DYNLL1: variants seen among roughly 807,000 people sequenced by gnomAD.
The protein encoded by DYNLL1 is dynein light chain 1, cytoplasmic.
In DYNLL1, 3 loss-of-function variants were observed where a neutral mutation model predicts 10.1. The ratio of observed to expected loss-of-function variants is 0.30; its 90% CI spans 0.14 to 0.77. DYNLL1 has a LOEUF of 0.77. Among genes scored for constraint, DYNLL1 ranks in the 30% least tolerant of loss-of-function variants. DYNLL1 has a pLI of 0.66. For missense variants in DYNLL1, 47 were observed against 111.7 expected, an observed-to-expected ratio of 0.42 and a Z score of 2.61; for synonymous variants, 46 against 41.2, an observed-to-expected ratio of 1.12 and a Z score of -0.45.
At chr12:120,491,376 G>A (rs887637764), upstream of DYNLL1, 1 of 152,640 alleles carries the variant, frequency 6.6e-6, no homozygotes, top group African/African-American at 2.4e-5. Context: ...TTCTCCATGG[G>A]GTGGAAGCTT....
At chr12:120,474,442 TAAA>T (rs11355698) in intron 1 of DYNLL1, among the ~76,000 whole-genome samples, 1 of 142,770 alleles carries the variant, frequency 7.0e-6, no homozygotes, top group African/African-American at 2.6e-5. Flanking sequence ...AAAAACAACA[TAAA>T]AAAAAAAAAA....
intron 1 of DYNLL1, among the ~76,000 whole-genome samples, chr12:120,479,472 AATAATAAT>A (rs1878837344): frequency 7.6e-5 from 6 of 79,430 alleles, no homozygotes; most frequent in Non-Finnish European, 1.1e-4. Context: ...AAAAAAAAAT[AATAATAAT>A]AATAATAATA....
intron 1 of DYNLL1, among the ~76,000 whole-genome samples, chr12:120,482,854 G>A (rs952727473): frequency 6.6e-6 from 1 of 152,068 alleles, no homozygotes; most frequent in Non-Finnish European, 1.5e-5. Flanking sequence ...TGAGGCAGGA[G>A]GATTGCTTGA....
At chr12:120,484,824 C>T (rs942028289) in intron 1 of DYNLL1, among the ~76,000 whole-genome samples, 12 of 152,030 alleles carry the variant, frequency 7.9e-5, no homozygotes, top group Admixed American at 2.6e-4. Flanking sequence ...CTGCAACCTC[C>T]GCTTTGCTTC....
chr12:120,482,952 G>A lies in DYNLL1; in HGVS notation c.-7+12848G>A, dbSNP rs1376775803. ...AAATTTAGCCAGGCATCGGTGGCTC[G>A]TGCCTGTGGTCCCAGCTACTCGAGA... On this transcript the variant is annotated intron_variant, in intron 1 of 2. Transcript: ENST00000392509. 4.6e-5 allele frequency among the ~76,000 whole-genome samples: 7 copies of A among 151,896 alleles called. No individual in the cohort carries two copies. In the South Asian group the frequency reaches 8.4e-4, roughly 18 times the overall value.
upstream of DYNLL1, among the ~76,000 whole-genome samples, chr12:120,492,404 C>T (rs1323091924): frequency 1.3e-5 from 2 of 152,126 alleles, no homozygotes; most frequent in East Asian, 3.9e-4. This position sits in a 1 kb window ranked among gnomAD's most constrained non-coding sequence, Gnocchi z 4.1. Context: ...CCTGTCTCTA[C>T]TAAAATACAA....
At chr12:120,493,611 T>G (rs1879189381), upstream of DYNLL1, among the ~76,000 whole-genome samples, 1 of 151,318 alleles carries the variant, frequency 6.6e-6, no homozygotes, top group South Asian at 2.1e-4. Flanking sequence ...ATTTTTTATT[T>G]TTTATTTATT....
upstream of DYNLL1, chr12:120,495,207 T>C (rs1035674420): frequency 6.6e-6 from 1 of 152,104 alleles, no homozygotes; most frequent in Non-Finnish European, 1.5e-5. Flanking sequence ...ACGTCATCTC[T>C]CTAACGGCCG....
chr12:120,496,310 TG>T (rs1178299112), intron 1 of DYNLL1, 94 bp downstream of exon 1: 10 of 1,480,440 alleles, frequency 6.8e-6, no homozygotes. Context: ...TCCTGAGAAG[TG>T]GGGTGGGGGG....
intron 1 of DYNLL1, among the ~76,000 whole-genome samples, chr12:120,475,224 C>G (rs368828988): frequency 1.5e-4 from 23 of 151,892 alleles, no homozygotes; most frequent in African/African-American, 5.3e-4. Flanking sequence ...TTGAATATGC[C>G]CAAACAGGTG....
chr12:120,496,346 G>A, intron 1 of DYNLL1, 70 bp from the exon 2 acceptor site: 2 of 1,594,272 alleles, frequency 1.3e-6, no homozygotes, highest in Non-Finnish European at 1.7e-6. Context: ...GGCGCCGGCC[G>A]GGGTGGGGGC....
chr12:120,489,991 G>A (rs2137066216), intron 1 of DYNLL1, among the ~76,000 whole-genome samples: 1 of 152,326 alleles, frequency 6.6e-6, no homozygotes, highest in African/African-American at 2.4e-5. Context: ...CAGGCAATCT[G>A]CCCGCCTTGG....
At chr12:120,481,801 G>A (rs1247364283) in intron 1 of DYNLL1, among the ~76,000 whole-genome samples, 1 of 152,194 alleles carries the variant, frequency 6.6e-6, no homozygotes, top group Non-Finnish European at 1.5e-5. Context: ...AGTCTTTCTG[G>A]TGAACTCCCA....
At chr12:120,479,472 AAT>A (rs1565920954) in intron 1 of DYNLL1, among the ~76,000 whole-genome samples, 2,235 of 78,982 alleles carry the variant, frequency 0.028, 46 homozygotes, top group African/African-American at 0.056. Flanking sequence ...AAAAAAAAAT[AAT>A]AATAATAATA....
upstream of DYNLL1, chr12:120,495,689 T>G (rs1879248572): frequency 1.3e-4 from 1 of 7,718 alleles, no homozygotes; most frequent in Non-Finnish European, 2.6e-4. Flanking sequence ...CGACCTGTCG[T>G]GGTGGGGGGG....
upstream of DYNLL1, chr12:120,495,233 G>C (rs1296461039): frequency 1.3e-5 from 2 of 152,010 alleles, no homozygotes; most frequent in African/African-American, 2.4e-5. Flanking sequence ...TCGTCCATTA[G>C]AATACCTCCT....
chr12:120,496,741 GTTTT>G (rs35017041), intron 2 of DYNLL1, 188 bp downstream of exon 2: 42 of 582,170 alleles, frequency 7.2e-5, no homozygotes, highest in Non-Finnish European at 9.2e-5. Flanking sequence ...GGCGTCCGAA[GTTTT>G]TTTTTTTTTT....
intron 2 of DYNLL1, 51 bp downstream of exon 2, chr12:120,496,604 C>T (rs1563333): frequency 0.32 from 516,940 of 1,613,248 alleles, 84,757 homozygotes; most frequent in East Asian, 0.51. Context: ...GGGGTTCCTT[C>T]CCCCCGATCC....
At position 120,485,750 on chromosome 12, in the gene DYNLL1, C is replaced by T. The variant is rs114335623; in HGVS notation, c.-6-10666C>T. ...CAGCTACTTGGGAGGGAGGGGCAGT[C>T]GGATCCCTTGAGCCTGGGAGTTTGA... On this transcript the variant is annotated intron_variant, in intron 1 of 2. Transcript: ENST00000392509. Among the ~76,000 whole-genome samples, 451 of 147,266 alleles carry T rather than the reference C, an allele frequency of 3.1e-3. 8 individuals are homozygous for T. The highest frequency in any genetic ancestry group is 0.01 in the African/African-American group (418 of 40,072).
Sources: gnomAD v4.1 joint callset for allele counts (sites outside exome capture counted in the v4.1 genomes callset) on GRCh38, gnomAD v4.1.1 for gene constraint, Gnocchi (gnomAD v3.1) non-coding constraint, MANE v1.5 for transcripts, NCBI Gene and HGNC (gene_info 2026-07-23, HGNC 2026-07-21) for gene names.